PREPL: variants seen among roughly 807,000 people sequenced by gnomAD.
The protein encoded by PREPL is prolyl endopeptidase-like.
A neutral mutation model predicts 70.6 loss-of-function variants in PREPL; 77 were observed. The observed-to-expected ratio is 1.09, with a 90% CI of 0.91 to 1.32. The LOEUF (loss-of-function observed/expected upper bound fraction) is 1.32. Among genes scored for constraint, PREPL ranks in the 40% most tolerant of loss-of-function variants. The probability of loss-of-function intolerance (pLI) is 0.00; values close to 1 mark genes in which losing one functional copy is unlikely to be tolerated. For synonymous variants in PREPL, 315 were observed against 264.8 expected, an observed-to-expected ratio of 1.19 and a Z score of -1.84; for missense variants, 1,002 against 778.2, an observed-to-expected ratio of 1.29 and a Z score of -3.42.
Position 44,328,268 on chromosome 2 carries a change from C to CAA in PREPL, c.1262+667_1262+668dup, listed in dbSNP as rs1202363557. Among the ~76,000 whole-genome samples the CAA allele has an allele frequency of 3.4e-3, 354 of 102,868 alleles. 8 individuals are homozygous for CAA. The highest frequency in any genetic ancestry group is 8.6e-3 in the African/African-American group (217 of 25,242). 67.5% of individuals were successfully genotyped at this position (102,868 alleles called of 152,430 possible). On this transcript the variant is annotated intron_variant, in intron 9 of 13. Coordinates refer to ENST00000409411, the MANE Select transcript of PREPL (RefSeq NM_001171613.2). ...TGGGCGACAGAGCAAGATTCTATCT[C>CAA]AAAAAAAAAAAAAAAAAAATTCAGA...
At position 44,320,006 on chromosome 2, in the gene PREPL, C is replaced by G. The variant is rs1672787837; in HGVS notation, c.*1350G>C. On this transcript the variant is annotated 3_prime_UTR_variant, in exon 14 of 14. Transcript: ENST00000409411. ...TATTGACTCCCAGACAAGCCGAAAC[C>G]CCGAATTTGTCATTTCTATCAGTTT... is the stretch of plus-strand genomic sequence containing the variant. 1 of 587,466 alleles carries G rather than the reference C, an allele frequency of 1.7e-6. No individual in the cohort carries two copies. Among genetic ancestry groups the G allele is most frequent in the Non-Finnish European group, 3.0e-6 (1 of 333,304 alleles). 36.4% of individuals were successfully genotyped at this position (587,466 alleles called of 1,614,324 possible). A position where few individuals can be genotyped will look rare whatever the true frequency, so the allele number is the denominator to read the frequency against.
intron 1 of PREPL, among the ~76,000 whole-genome samples, chr2:44,348,157 T>C (rs1676027459): frequency 6.6e-6 from 1 of 152,296 alleles, no homozygotes; most frequent in African/African-American, 2.4e-5. Flanking sequence ...CCCAAGTAGA[T>C]GGGACTATAG....
chr2:44,359,516 C>A, intron 1 of PREPL: 1 of 1,611,182 alleles, frequency 6.2e-7, no homozygotes, highest in Non-Finnish European at 8.5e-7. Context: ...GAAGCTCCGA[C>A]TTGGGATGTT....
At chr2:44,360,482 G>T (rs1677595629) in intron 1 of PREPL, 1 of 152,042 alleles carries the variant, frequency 6.6e-6, no homozygotes, top group African/African-American at 2.4e-5. Flanking sequence ...ATGTTAAAAA[G>T]GTATTTAGCG....
intron 9 of PREPL, 48 bp downstream of exon 9, chr2:44,328,889 C>T: frequency 6.7e-7 from 1 of 1,501,440 alleles, no homozygotes; most frequent in Non-Finnish European, 9.0e-7. Flanking sequence ...CTTGACATCT[C>T]TCACAATGGT....
chr2:44,348,850 G>A (rs901681949), intron 1 of PREPL, among the ~76,000 whole-genome samples: 2 of 152,098 alleles, frequency 1.3e-5, no homozygotes, highest in East Asian at 1.9e-4. Context: ...TTTTTGTTGC[G>A]TCCCAGGGAT....
intron 1 of PREPL, among the ~76,000 whole-genome samples, chr2:44,358,654 A>T (rs1677313343): frequency 6.6e-6 from 1 of 152,146 alleles, no homozygotes; most frequent in South Asian, 2.1e-4. Flanking sequence ...TGTAGGCTGG[A>T]GCTGTGCCAG....
chr2:44,354,499 C>G (rs1206470354), intron 1 of PREPL, among the ~76,000 whole-genome samples: 2 of 152,084 alleles, frequency 1.3e-5, no homozygotes, highest in Non-Finnish European at 2.9e-5. Flanking sequence ...ACAACTCTCC[C>G]CAAATTCCAG....
At chr2:44,360,676 T>C (rs1386885853) in intron 1 of PREPL, 1 of 152,196 alleles carries the variant, frequency 6.6e-6, no homozygotes, top group African/African-American at 2.4e-5. Context: ...AGTTTCTTCA[T>C]CTGCAAAAAT....
intron 5 of PREPL, 43 bp downstream of exon 5, chr2:44,342,374 G>A (rs766333546): frequency 1.3e-5 from 19 of 1,512,786 alleles, no homozygotes; most frequent in Non-Finnish European, 1.7e-5. Context: ...AATAACTGGA[G>A]GAAGGTTCTG....
chr2:44,329,037 G>T lies in PREPL; in HGVS notation c.1162C>A (p.His388Asn), dbSNP rs1328210211. The part of the protein sequence containing the change: ...EDLQKKPLLV[H>N]VYGAYGMDLK... ...TCCATTCCATAAGCTCCATATACATGTACCAAGAGAGGTTTCTTCTGCAAG... is the reference window on the plus strand; with the variant it reads ...TCCATTCCATAAGCTCCATATACATTTACCAAGAGAGGTTTCTTCTGCAAG... The change falls in exon 9 of 14, where the codon CAT (histidine) becomes AAT (asparagine). Residue 388 changes from histidine (H) to asparagine (N), a missense_variant. His to Asn is a moderately conservative substitution (Grantham distance 68). Coordinates refer to ENST00000409411, the MANE Select transcript of PREPL (RefSeq NM_001171613.2). 1 of 1,613,184 alleles carries T rather than the reference G, an allele frequency of 6.2e-7. No homozygotes were observed. The highest frequency in any genetic ancestry group is 8.5e-7 in the Non-Finnish European group (1 of 1,179,204).
intron 9 of PREPL, 111 bp from the exon 10 acceptor site, chr2:44,327,039 A>G (rs1673577111): frequency 1.1e-6 from 1 of 903,242 alleles, no homozygotes. Context: ...TGGAGCTAAG[A>G]CTGGTTTTTG....
Position 44,321,608 on chromosome 2 carries a change from G to C in PREPL, c.1828-163C>G. 2.0e-6 allele frequency: 3 copies of C among 1,480,506 alleles called. No homozygotes were observed. In the Admixed American group the frequency reaches 7.9e-5, roughly 39 times the overall value. 91.7% of individuals were successfully genotyped at this position (1,480,506 alleles called of 1,614,324 possible). On this transcript the variant is annotated intron_variant, in intron 13 of 13. Transcript: ENST00000409411. ...GAGGCAGAAGGCTTCCAACAATTAA[G>C]ATTAAATTATTTTCTTTAACAGAGC...
rs1414471069 is a variant in PREPL, at chr2:44,317,643, A to T, written c.*3713T>A. 3.9e-5 allele frequency: 6 copies of T among 152,458 alleles called. No individual in the cohort carries two copies. Among genetic ancestry groups the T allele is most frequent in the African/African-American group, 1.4e-4 (6 of 41,408 alleles). 9.4% of individuals were successfully genotyped at this position (152,458 alleles called of 1,614,324 possible). On this transcript the variant is annotated 3_prime_UTR_variant, in exon 14 of 14. Coordinates refer to ENST00000409411, the MANE Select transcript of PREPL (RefSeq NM_001171613.2). ...TCATAATTTTAATGGTAAAATTAGGACATAAAAATAATTTTCAAAGAATTA... is the reference window on the plus strand; with the variant it reads ...TCATAATTTTAATGGTAAAATTAGGTCATAAAAATAATTTTCAAAGAATTA...
At chr2:44,335,748 T>C (rs183250996) in intron 7 of PREPL, among the ~76,000 whole-genome samples, 227 of 147,474 alleles carry the variant, frequency 1.5e-3, no homozygotes, top group African/African-American at 5.2e-3. Flanking sequence ...ACAGAGTAAA[T>C]AGACAACCTA....
At chr2:44,332,419 T>C in intron 8 of PREPL, 40 bp downstream of exon 8, 1 of 1,536,280 alleles carries the variant, frequency 6.5e-7, no homozygotes, top group Non-Finnish European at 9.0e-7. Flanking sequence ...CGGTATGCTT[T>C]CAGTAAATGG....
intron 1 of PREPL, among the ~76,000 whole-genome samples, chr2:44,356,992 G>T (rs952552273): frequency 7.2e-5 from 11 of 152,190 alleles, no homozygotes; most frequent in African/African-American, 2.7e-4. Context: ...TTTTGGTAGA[G>T]TTGGGGTTTT....
chr2:44,338,660 T>G, intron 6 of PREPL, 124 bp from the exon 7 acceptor site: 1 of 772,738 alleles, frequency 1.3e-6, no homozygotes. Flanking sequence ...CTGAAGGAAC[T>G]AACGCTGCAT....
chr2:44,327,004 T>C (rs1673574425), intron 9 of PREPL, 76 bp from the exon 10 acceptor site: 1 of 1,245,564 alleles, frequency 8.0e-7, no homozygotes. Flanking sequence ...GAACTACACC[T>C]GGAGGCCTGT....
Sources: allele counts gnomAD v4.1 joint callset (sites outside exome capture counted in the v4.1 genomes callset), GRCh38; gene constraint gnomAD v4.1.1; transcripts MANE v1.5; gene names NCBI Gene and HGNC (gene_info 2026-07-23, HGNC 2026-07-21).